The following DYNC1I1 variants were observed in gnomAD, a reference collection of about 807,000 sequenced individuals.
DYNC1I1 encodes dynein cytoplasmic 1 intermediate chain 1, also known as cytoplasmic dynein 1 intermediate chain 1.
A neutral mutation model predicts 86.6 loss-of-function variants in DYNC1I1; 43 were observed. The ratio of observed to expected loss-of-function variants is 0.50; its 90% confidence interval spans 0.39 to 0.64. DYNC1I1 has a LOEUF of 0.64. DYNC1I1 is among the 30% of genes least tolerant of loss of function. The probability of loss-of-function intolerance (pLI) is 0.00; values close to 1 mark genes in which losing one functional copy is unlikely to be tolerated. For synonymous variants in DYNC1I1, 262 were observed against 283.7 expected (o/e 0.92, Z 0.77); for missense variants, 604 against 788.8 (o/e 0.77, Z 2.81).
chr7:95,835,571 G>A (rs527483279), intron 5 of DYNC1I1, among the ~76,000 whole-genome samples: 36 of 151,496 alleles, frequency 2.4e-4, no homozygotes, highest in African/African-American at 8.2e-4. Flanking sequence ...TGACAGTGGG[G>A]TGTTAAAGTC....
intron 6 of DYNC1I1, among the ~76,000 whole-genome samples, chr7:95,931,349 C>A (rs1791890626): frequency 6.6e-6 from 1 of 152,124 alleles, no homozygotes; most frequent in South Asian, 2.1e-4. Context: ...GGGGTTTCGC[C>A]ATGTTGGCCA....
At position 95,977,526 on chromosome 7, in the gene DYNC1I1, GA is replaced by G; in HGVS notation, c.506del (p.Glu169GlyfsTer23). On this transcript the variant is annotated frameshift_variant, in exon 7 of 17. Coordinates refer to ENST00000447467, the MANE Select transcript of DYNC1I1 (RefSeq NM_001135556.2). LOFTEE classifies it high-confidence loss of function. Reference protein sequence around the residue: ...THQSEEDEEDEEMVESKVGQD... With the variant: ...THQSEEDEEDXEMVESKVGQD... ...CTTTTTTCTAGAGGATGAGGAAGAT[GA>G]GGAAATGGTGGAATCTAAAGTTGGC... 4 of 1,613,076 alleles carry G rather than the reference GA, an allele frequency of 2.5e-6. No individual in the cohort carries two copies. The highest frequency in any genetic ancestry group is 3.4e-6 in the Non-Finnish European group (4 of 1,179,620).
Position 95,947,980 on chromosome 7 carries a change from CTTT to C in DYNC1I1, c.491-29514_491-29512del, listed in dbSNP as rs35181190. On this transcript the variant is annotated intron_variant, in intron 6 of 16. Transcript: ENST00000447467. ...TCAAAAACCAGGTCTTTGTATGTGG[CTTT>C]TTTTTTTTTTTTTTTTTGGTAGCAA... Among the ~76,000 whole-genome samples the C allele has an allele frequency of 8.1e-3, 868 of 106,830 alleles. 8 individuals carry two copies. Among genetic ancestry groups the C allele is most frequent in the African/African-American group, 0.03 (812 of 27,232 alleles). The allele number at this position is 106,830 out of a possible 152,430, so 70.1% of individuals were successfully genotyped here. A position where few individuals can be genotyped will look rare whatever the true frequency, so the allele number is the denominator to read the frequency against.
chr7:96,103,198 T>C (rs2116347247), downstream of DYNC1I1, among the ~76,000 whole-genome samples: 1 of 152,308 alleles, frequency 6.6e-6, no homozygotes, highest in South Asian at 2.1e-4. Flanking sequence ...TTGGTTTACA[T>C]ATGGGTTAGT....
intron 9 of DYNC1I1, among the ~76,000 whole-genome samples, chr7:95,990,806 G>A (rs1793710029): frequency 6.6e-6 from 1 of 152,096 alleles, no homozygotes; most frequent in African/African-American, 2.4e-5. Flanking sequence ...ACAGCAGGAG[G>A]ATCACTTGAG....
chr7:95,846,666 T>TGTGTGTGTGTGTGTGA, intron 5 of DYNC1I1, among the ~76,000 whole-genome samples: 1 of 150,774 alleles, frequency 6.6e-6, no homozygotes, highest in South Asian at 2.1e-4. Flanking sequence ...TGTGTGTGTG[T>TGTGTGTGTGTGTGTGA]GACGAAGGGG....
chr7:95,957,029 T>C (rs1365353523), intron 6 of DYNC1I1, among the ~76,000 whole-genome samples: 1 of 152,264 alleles, frequency 6.6e-6, no homozygotes, highest in Non-Finnish European at 1.5e-5. Flanking sequence ...TTCAGCTTGG[T>C]CAATGGCTTG....
At chr7:95,851,723 G>A (rs931555823) in intron 5 of DYNC1I1, among the ~76,000 whole-genome samples, 2 of 152,208 alleles carry the variant, frequency 1.3e-5, no homozygotes, top group Non-Finnish European at 2.9e-5. Context: ...GGTGTGCAAT[G>A]TCATGATCTC....
chr7:95,953,216 G>A (rs1393399414), intron 6 of DYNC1I1, among the ~76,000 whole-genome samples: 1 of 151,204 alleles, frequency 6.6e-6, no homozygotes, highest in Admixed American at 6.6e-5. Flanking sequence ...GGCATCAGCA[G>A]TTTTTATAAG....
At chr7:95,903,873 G>A (rs1174867322) in intron 6 of DYNC1I1, among the ~76,000 whole-genome samples, 1 of 152,154 alleles carries the variant, frequency 6.6e-6, no homozygotes, top group Admixed American at 6.5e-5. Context: ...ATCATTGGTA[G>A]GGTGTACTTA....
intron 10 of DYNC1I1, 88 bp downstream of exon 10, chr7:95,996,161 G>A: frequency 3.2e-6 from 5 of 1,557,422 alleles, no homozygotes; most frequent in Non-Finnish European, 4.3e-6. Flanking sequence ...ATGCTGAGAG[G>A]AAGAACTCAG....
intron 6 of DYNC1I1, among the ~76,000 whole-genome samples, chr7:95,893,472 T>A (rs1050337280): frequency 6.6e-6 from 1 of 152,204 alleles, no homozygotes; most frequent in Non-Finnish European, 1.5e-5. Context: ...TAGACTTTTT[T>A]AAATATCTAA....
intron 13 of DYNC1I1, among the ~76,000 whole-genome samples, chr7:96,036,512 T>C (rs1794930457): frequency 6.6e-6 from 1 of 152,230 alleles, no homozygotes; most frequent in Non-Finnish European, 1.5e-5. Context: ...TTCCTTATGC[T>C]TCTATAATAG....
Position 95,899,663 on chromosome 7 carries a change from T to TA in DYNC1I1, c.490+29669dup, listed in dbSNP as rs1291224599. ...AGGCACGTTGTGAGCTGAACTAATT[T>TA]AAAATCACAGGTAAGGATAATGCTA... On this transcript the variant is annotated intron_variant, in intron 6 of 16. Transcript: ENST00000447467. 2.0e-5 allele frequency among the ~76,000 whole-genome samples: 3 copies of TA among 152,172 alleles called. No individual in the cohort carries two copies. In the East Asian group the frequency reaches 5.8e-4, roughly 29 times the overall value.
At chr7:96,012,171 G>A (rs765890838) in intron 10 of DYNC1I1, among the ~76,000 whole-genome samples, 2 of 152,050 alleles carry the variant, frequency 1.3e-5, no homozygotes, top group Non-Finnish European at 2.9e-5. Context: ...TTGATGTGAT[G>A]GTTGATAGCA....
At chr7:95,817,264 A>G (rs1357607725) in intron 4 of DYNC1I1, among the ~76,000 whole-genome samples, 2 of 152,042 alleles carry the variant, frequency 1.3e-5, no homozygotes, top group African/African-American at 4.8e-5. Context: ...TCTGCTTTTT[A>G]CCAATGAGGA....
At chr7:95,901,701 C>A (rs1010892736) in intron 6 of DYNC1I1, among the ~76,000 whole-genome samples, 1 of 152,144 alleles carries the variant, frequency 6.6e-6, no homozygotes, top group African/African-American at 2.4e-5. Flanking sequence ...GCATTGCTTA[C>A]TGACAGTGCT....
At chr7:95,800,608 TCTGGGTAGAGTGAAGCCGA>T (rs1794553773) in intron 1 of DYNC1I1, among the ~76,000 whole-genome samples, 1 of 152,154 alleles carries the variant, frequency 6.6e-6, no homozygotes, top group Non-Finnish European at 1.5e-5. Context: ...TGCTCCTAAA[TCTGGGTAGAGTGAAGCCGA>T]GAGTTGGCTG....
chr7:95,795,900 A>T (rs1794424110), intron 1 of DYNC1I1, among the ~76,000 whole-genome samples: 1 of 151,884 alleles, frequency 6.6e-6, no homozygotes, highest in Admixed American at 6.6e-5. Flanking sequence ...AGTTAAATTT[A>T]AAAAAGTAAA....
Sources: gnomAD v4.1 joint callset for allele counts (sites outside exome capture counted in the v4.1 genomes callset) on GRCh38, gnomAD v4.1.1 for gene constraint, MANE v1.5 for transcripts, NCBI Gene and HGNC (gene_info 2026-07-23, HGNC 2026-07-21) for gene names.